Variants in GALNT17 observed in about 807,000 individuals in gnomAD.
GALNT17 encodes the protein UDP-GalNAc:polypeptide N-acetylgalactosaminyltransferase-like 3.
In GALNT17, 29 loss-of-function variants were observed where a neutral mutation model predicts 63.7. The observed-to-expected ratio is 0.46, with a 90% CI of 0.34 to 0.62. GALNT17 has a LOEUF of 0.62. GALNT17 is among the 20% of genes least tolerant of loss of function. The probability of loss-of-function intolerance (pLI) is 0.01; values close to 1 mark genes in which losing one functional copy is unlikely to be tolerated. For synonymous variants in GALNT17, 305 were observed against 318.3 expected, an observed-to-expected ratio of 0.96 and a Z score of 0.45; for missense variants, 603 against 799.6, an observed-to-expected ratio of 0.75 and a Z score of 2.97.
chr7:71,224,682 G>A (rs142573415), intron 1 of GALNT17, among the ~76,000 whole-genome samples: 1 of 152,258 alleles, frequency 6.6e-6, no homozygotes, highest in East Asian at 1.9e-4. Flanking sequence ...CAGAGGAACT[G>A]TTCTTTCTTT....
rs192825088 is a variant in GALNT17, at chr7:71,440,819, C to T, written c.962+19714C>T. Among the ~76,000 whole-genome samples, 11 of 152,258 alleles carry T rather than the reference C, an allele frequency of 7.2e-5. No homozygotes were observed. The East Asian group carries it at 1.7e-3, about 24-fold the overall frequency. The stretch of plus-strand genomic sequence containing the variant: ...AAACAGCCTTTTTTGTTTACCTAGT[C>T]TCTCCAGTAGCACTTGCTGGAGTTT... On this transcript the variant is annotated intron_variant, in intron 5 of 10. Coordinates refer to ENST00000333538, the MANE Select transcript of GALNT17 (RefSeq NM_022479.3).
intron 5 of GALNT17, among the ~76,000 whole-genome samples, chr7:71,570,276 C>G (rs1451799622): frequency 1.3e-5 from 2 of 152,134 alleles, no homozygotes; most frequent in Admixed American, 6.5e-5. Context: ...GAGACCTCCT[C>G]TCTGCGGGCT....
chr7:71,693,137 CTATAAGTA>C lies in GALNT17; in HGVS notation c.1500+15844_1500+15851del, dbSNP rs778142669. ...TCTTCATCCTTGTTGTCTTCACATA[CTATAAGTA>C]TATAAGTATATATTTAAGTATATAC... is the stretch of plus-strand genomic sequence containing the variant. On this transcript the variant is annotated intron_variant, in intron 9 of 10. Coordinates refer to ENST00000333538, the MANE Select transcript of GALNT17 (RefSeq NM_022479.3). Among the ~76,000 whole-genome samples the C allele has an allele frequency of 3.3e-5, 5 of 151,064 alleles. 1 individual carries two copies. Among genetic ancestry groups the C allele is most frequent in the African/African-American group, 7.3e-5 (3 of 41,082 alleles).
At chr7:71,478,276 G>C (rs1303270033) in intron 5 of GALNT17, among the ~76,000 whole-genome samples, 1 of 151,986 alleles carries the variant, frequency 6.6e-6, no homozygotes, top group Non-Finnish European at 1.5e-5. Flanking sequence ...CTTATGTTTG[G>C]AGGAGTTTCC....
chr7:71,504,368 C>T (rs1219907718), intron 5 of GALNT17, among the ~76,000 whole-genome samples: 1 of 151,598 alleles, frequency 6.6e-6, no homozygotes, highest in Admixed American at 6.6e-5. Context: ...GCACCCTGGG[C>T]GACAGAGCTA....
At chr7:71,426,317 T>C (rs1233491731) in intron 5 of GALNT17, among the ~76,000 whole-genome samples, 1 of 152,206 alleles carries the variant, frequency 6.6e-6, no homozygotes, top group Non-Finnish European at 1.5e-5. Context: ...TCCACAGCCC[T>C]CTCTGCTGAG....
At chr7:71,588,802 C>G (rs1198709175) in intron 6 of GALNT17, among the ~76,000 whole-genome samples, 1 of 152,014 alleles carries the variant, frequency 6.6e-6, no homozygotes, top group African/African-American at 2.4e-5. Context: ...ATGAATCCAG[C>G]TGGAAGCTCG....
chr7:71,199,238 A>C (rs1789116594), intron 1 of GALNT17, among the ~76,000 whole-genome samples: 1 of 152,162 alleles, frequency 6.6e-6, no homozygotes, highest in Admixed American at 6.5e-5. Flanking sequence ...AAGATCTCGC[A>C]AATGATCTAT....
chr7:71,321,763 C>G (rs1057305380), intron 1 of GALNT17, among the ~76,000 whole-genome samples: 2 of 151,752 alleles, frequency 1.3e-5, no homozygotes, highest in Non-Finnish European at 2.9e-5. Context: ...AACTCCTGAC[C>G]TCAAGTGATC....
intron 1 of GALNT17, among the ~76,000 whole-genome samples, chr7:71,309,514 G>A (rs1007112349): frequency 6.6e-6 from 1 of 151,892 alleles, no homozygotes; most frequent in Non-Finnish European, 1.5e-5. Context: ...GTCTGGGTTC[G>A]CATAACTTTT....
chr7:71,220,068 G>A (rs1392845124), intron 1 of GALNT17, among the ~76,000 whole-genome samples: 4 of 152,222 alleles, frequency 2.6e-5, no homozygotes. Flanking sequence ...CACGTCTTTG[G>A]TGTAAAACAA....
intron 3 of GALNT17, among the ~76,000 whole-genome samples, chr7:71,390,571 A>T (rs1793031811): frequency 6.6e-6 from 1 of 152,182 alleles, no homozygotes; most frequent in South Asian, 2.1e-4. Flanking sequence ...GTTGTGCAGC[A>T]AAGTCTCTTT....
intron 2 of GALNT17, among the ~76,000 whole-genome samples, chr7:71,365,768 G>T (rs1391745905): frequency 6.6e-6 from 1 of 152,014 alleles, no homozygotes; most frequent in African/African-American, 2.4e-5. Context: ...TTGGTACCAG[G>T]GACTGGTTTC....
intron 1 of GALNT17, among the ~76,000 whole-genome samples, chr7:71,286,745 G>A (rs1468643991): frequency 1.4e-5 from 1 of 71,024 alleles, no homozygotes; most frequent in Non-Finnish European, 2.8e-5. Flanking sequence ...GAGGGGCCTT[G>A]TTTTTGTTTT....
At chr7:71,286,300 G>A (rs561351154) in intron 1 of GALNT17, among the ~76,000 whole-genome samples, 1 of 152,232 alleles carries the variant, frequency 6.6e-6, no homozygotes, top group African/African-American at 2.4e-5. Flanking sequence ...AAATCCCCCT[G>A]GAGTGAAGGA....
intron 5 of GALNT17, among the ~76,000 whole-genome samples, chr7:71,492,302 A>T (rs1445742756): frequency 6.6e-6 from 1 of 152,190 alleles, no homozygotes; most frequent in Non-Finnish European, 1.5e-5. Context: ...AATTAATTAA[A>T]TTAAATATGA....
chr7:71,400,285 A>G (rs533588987), intron 3 of GALNT17, among the ~76,000 whole-genome samples: 162 of 152,274 alleles, frequency 1.1e-3, no homozygotes, highest in Admixed American at 1.4e-3. Context: ...TTTGCTCAGA[A>G]TGATGGTTTC....
chr7:71,670,978 C>T (rs1791061941), intron 8 of GALNT17, among the ~76,000 whole-genome samples: 2 of 151,808 alleles, frequency 1.3e-5, no homozygotes, highest in African/African-American at 4.8e-5. Context: ...AAAACCATTC[C>T]ATTCACAATG....
At chr7:71,253,956 A>G (rs2115572668) in intron 1 of GALNT17, among the ~76,000 whole-genome samples, 1 of 152,268 alleles carries the variant, frequency 6.6e-6, no homozygotes, top group Non-Finnish European at 1.5e-5. Flanking sequence ...AAATGAGAGG[A>G]CCATGACTCT....
Sources: gnomAD v4.1 joint callset for allele counts (sites outside exome capture counted in the v4.1 genomes callset) on GRCh38, gnomAD v4.1.1 for gene constraint, MANE v1.5 for transcripts, NCBI Gene and HGNC (gene_info 2026-07-23, HGNC 2026-07-21) for gene names.